TEN1: variants seen among roughly 807,000 people sequenced by gnomAD.
The protein encoded by TEN1 is CST complex subunit TEN1.
In TEN1, 6 loss-of-function variants were observed where a neutral mutation model predicts 9.3. The observed-to-expected ratio is 0.65, with a 90% CI of 0.35 to 1.27. The LOEUF (loss-of-function observed/expected upper bound fraction) is 1.27. Among genes scored for constraint, TEN1 ranks in the 50% most tolerant of loss-of-function variants. TEN1 has a pLI of 0.03. For missense variants in TEN1, 149 were observed against 158.2 expected (o/e 0.94, Z 0.31); for synonymous variants, 65 against 65.6 (o/e 0.99, Z 0.04).
At chr17:75,995,596 C>T (rs1002013489) in intron 3 of TEN1, among the ~76,000 whole-genome samples, 6 of 152,184 alleles carry the variant, frequency 3.9e-5, no homozygotes, top group Admixed American at 3.3e-4. Context: ...CACCCGCTGG[C>T]GCCATCCAAA....
intron 1 of TEN1, among the ~76,000 whole-genome samples, chr17:75,981,200 CTTTT>C: frequency 6.9e-6 from 1 of 145,602 alleles, no homozygotes; most frequent in South Asian, 2.1e-4. Context: ...TTTTTTTTTT[CTTTT>C]GAGATGATGT....
In TEN1 at chr17:75,982,749, C is replaced by T. The variant is rs952594572; in HGVS notation, c.-7+3238C>T. Among the ~76,000 whole-genome samples, 15 of 151,864 alleles carry T rather than the reference C, an allele frequency of 9.9e-5. No homozygotes were observed. The East Asian group carries it at 1.2e-3, about 12-fold the overall frequency. ...TTTTTCAGGCAGAGTCTCACTCTGT[C>T]GCCCAGGCTGGAGTGCAGTGGCATG... is the stretch of plus-strand genomic sequence containing the variant. On this transcript the variant is annotated intron_variant, in intron 1 of 3. Coordinates refer to ENST00000397640, the MANE Select transcript of TEN1 (RefSeq NM_001113324.3).
intron 3 of TEN1, among the ~76,000 whole-genome samples, chr17:75,999,843 C>T (rs1197636194): frequency 2.0e-5 from 3 of 152,040 alleles, no homozygotes; most frequent in Non-Finnish European, 4.4e-5. Context: ...ATATGGGTGT[C>T]TCTTTTCCCC....
rs1385182462 is a variant in TEN1, at chr17:76,000,317, C to G, written c.*55C>G. 1.4e-5 allele frequency: 21 copies of G among 1,522,828 alleles called. No homozygotes were observed. Among genetic ancestry groups the G allele is most frequent in the Non-Finnish European group, 1.8e-5 (20 of 1,130,858 alleles). 94.3% of individuals were successfully genotyped at this position (1,522,828 alleles called of 1,614,324 possible). A position where few individuals can be genotyped will look rare whatever the true frequency, so the allele number is the denominator to read the frequency against. ...GCTTCAGAGCCCGAACCCTCTGGAGCTGCAGGAGCCCGGGAGAGCACAGAC... is the reference window on the plus strand; with the variant it reads ...GCTTCAGAGCCCGAACCCTCTGGAGGTGCAGGAGCCCGGGAGAGCACAGAC... On this transcript the variant is annotated 3_prime_UTR_variant, in exon 4 of 4. Coordinates refer to ENST00000397640, the MANE Select transcript of TEN1 (RefSeq NM_001113324.3). The surrounding 1 kb of genome is among the most constrained non-coding windows in gnomAD (Gnocchi z 5.9).
intron 2 of TEN1, among the ~76,000 whole-genome samples, chr17:75,989,348 G>C (rs1176217658): frequency 4.0e-5 from 6 of 150,976 alleles, no homozygotes; most frequent in Non-Finnish European, 8.9e-5. Context: ...TCCTGACCTC[G>C]TGATCTGCCT....
intron 2 of TEN1, among the ~76,000 whole-genome samples, chr17:75,988,561 CAAAAAAAAA>C (rs1189354019): frequency 3.4e-5 from 1 of 28,988 alleles, no homozygotes. Flanking sequence ...GATCCTGCCT[CAAAAAAAAA>C]AAAAAAAAAA....
intron 3 of TEN1, among the ~76,000 whole-genome samples, chr17:75,996,121 G>A (rs2066216530): frequency 1.3e-5 from 2 of 151,950 alleles, no homozygotes; most frequent in Admixed American, 1.3e-4. Flanking sequence ...TGGGCACAGT[G>A]GCTCATGCCT....
intron 3 of TEN1, among the ~76,000 whole-genome samples, chr17:75,995,529 G>A (rs1466936156): frequency 6.6e-6 from 1 of 152,208 alleles, no homozygotes; most frequent in African/African-American, 2.4e-5. Context: ...CTAAGAGCTA[G>A]CTAAGAAGAC....
intron 3 of TEN1, among the ~76,000 whole-genome samples, chr17:75,991,913 G>A (rs1024160358): frequency 6.6e-6 from 1 of 152,066 alleles, no homozygotes; most frequent in East Asian, 1.9e-4. Context: ...TGGGCGTGGT[G>A]GCATGTGCCT....
chr17:75,993,382 C>T (rs907978976), intron 3 of TEN1, among the ~76,000 whole-genome samples: 9 of 152,044 alleles, frequency 5.9e-5, no homozygotes, highest in South Asian at 4.1e-4. Flanking sequence ...GGATTACAAG[C>T]GTGAGCTACC....
At chr17:75,984,176 G>T (rs952269925) in intron 1 of TEN1, among the ~76,000 whole-genome samples, 2 of 152,072 alleles carry the variant, frequency 1.3e-5, no homozygotes, top group Non-Finnish European at 2.9e-5. Flanking sequence ...GGCAAGAGGG[G>T]GACTGGCTAG....
At chr17:75,982,230 C>T (rs1179334911) in intron 1 of TEN1, among the ~76,000 whole-genome samples, 1 of 152,180 alleles carries the variant, frequency 6.6e-6, no homozygotes, top group African/African-American at 2.4e-5. Flanking sequence ...GACAGACAGG[C>T]CTTGCTGGGC....
At chr17:75,980,534 TCTC>T (rs1288848289) in intron 1 of TEN1, among the ~76,000 whole-genome samples, 3 of 151,986 alleles carry the variant, frequency 2.0e-5, no homozygotes, top group Non-Finnish European at 4.4e-5. Flanking sequence ...TTCAAGCGAT[TCTC>T]CTATCTCAGC....
chr17:75,992,596 T>C (rs572800140), intron 3 of TEN1, among the ~76,000 whole-genome samples: 1 of 151,710 alleles, frequency 6.6e-6, no homozygotes, highest in South Asian at 2.1e-4. Context: ...CACTGCAAGC[T>C]CCGCCTCCCG....
intron 3 of TEN1, among the ~76,000 whole-genome samples, chr17:75,992,959 G>GTT (rs775560066): frequency 3.7e-5 from 5 of 134,964 alleles, no homozygotes; most frequent in East Asian, 2.3e-4. Context: ...CTTACTGCTG[G>GTT]TTTTTTTTTT....
chr17:75,996,224 G>A (rs1412709665), intron 3 of TEN1, among the ~76,000 whole-genome samples: 2 of 152,106 alleles, frequency 1.3e-5, no homozygotes, highest in African/African-American at 4.8e-5. Context: ...GGTGGCTCAC[G>A]CCTGTAATCC....
chr17:75,993,985 A>T (rs117028962), intron 3 of TEN1, among the ~76,000 whole-genome samples: 7,497 of 151,452 alleles, frequency 0.05, 199 homozygotes, highest in Non-Finnish European at 0.062. Flanking sequence ...GCAGAGCGAG[A>T]CTCCATCTCA....
At chr17:75,993,889 A>T (rs531605876) in intron 3 of TEN1, among the ~76,000 whole-genome samples, 1 of 151,922 alleles carries the variant, frequency 6.6e-6, no homozygotes, top group Admixed American at 6.6e-5. Context: ...CCAGCTACTC[A>T]GGAGGCTGAG....
intron 2 of TEN1, among the ~76,000 whole-genome samples, chr17:75,988,113 G>A (rs931095194): frequency 6.6e-6 from 1 of 150,662 alleles, no homozygotes; most frequent in African/African-American, 2.4e-5. Flanking sequence ...GGTGGCAGGC[G>A]CCTGTAATCC....
Sources: gnomAD v4.1 joint callset for allele counts (sites outside exome capture counted in the v4.1 genomes callset) on GRCh38, gnomAD v4.1.1 for gene constraint, Gnocchi (gnomAD v3.1) non-coding constraint, MANE v1.5 for transcripts, NCBI Gene and HGNC (gene_info 2026-07-23, HGNC 2026-07-21) for gene names.